DENND1B: variants seen among roughly 807,000 people sequenced by gnomAD.
The protein encoded by DENND1B is DENN domain containing 1B.
In DENND1B, 59 loss-of-function variants were observed where a neutral mutation model predicts 90.1. The ratio of observed to expected loss-of-function variants is 0.65; its 90% CI spans 0.53 to 0.81. DENND1B has a LOEUF of 0.81. DENND1B is among the 40% of genes least tolerant of loss of function. DENND1B has a pLI of 0.00. For missense variants in DENND1B, 862 were observed against 912.6 expected (o/e 0.94, Z 0.71); for synonymous variants, 337 against 324.6 (o/e 1.04, Z -0.41).
intron 15 of DENND1B, among the ~76,000 whole-genome samples, chr1:197,575,320 CAT>C (rs1211355634): frequency 6.6e-6 from 1 of 151,850 alleles, no homozygotes. Flanking sequence ...TGCCAACAGA[CAT>C]ATGAAAAAAG....
At chr1:197,765,464 C>A (rs1211041220) in intron 2 of DENND1B, among the ~76,000 whole-genome samples, 1 of 152,076 alleles carries the variant, frequency 6.6e-6, no homozygotes, top group African/African-American at 2.4e-5. Context: ...ATACTGTACA[C>A]AGTAAATTAT....
At chr1:197,526,494 G>A (rs1669139530) in intron 20 of DENND1B, among the ~76,000 whole-genome samples, 2 of 152,194 alleles carry the variant, frequency 1.3e-5, no homozygotes, top group African/African-American at 4.8e-5. Context: ...TATTAATGAT[G>A]TGATTACTGA....
rs560115720 is a variant in DENND1B, at chr1:197,603,518, G to A, written c.921+3555C>T. On this transcript the variant is annotated intron_variant, in intron 13 of 22. Coordinates refer to ENST00000620048, the MANE Select transcript of DENND1B (RefSeq NM_001195215.2). The stretch of plus-strand genomic sequence containing the variant: ...TAATAAGTTTAAATTATTAGAGACC[G>A]TTAAGCAATACAGGTAAAAAAAAAC... 1.1e-4 allele frequency among the ~76,000 whole-genome samples: 17 copies of A among 150,912 alleles called. No individual in the cohort carries two copies. The South Asian group carries it at 1.7e-3, about 15-fold the overall frequency.
chr1:197,659,550 T>C (rs947185286), intron 5 of DENND1B, among the ~76,000 whole-genome samples: 1 of 151,888 alleles, frequency 6.6e-6, no homozygotes. Context: ...TATCTCTGTG[T>C]CCTCTGGAAA....
At chr1:197,611,784 G>T in intron 12 of DENND1B, 147 bp downstream of exon 12, 1 of 606,756 alleles carries the variant, frequency 1.6e-6, no homozygotes, top group Non-Finnish European at 2.8e-6. Context: ...TTTCAATGTT[G>T]TCTTTTTAAA....
chr1:197,540,160 C>G, intron 19 of DENND1B, 89 bp from the exon 20 acceptor site: 3 of 773,202 alleles, frequency 3.9e-6, no homozygotes, highest in African/African-American at 3.6e-5. Context: ...ATCTGATATA[C>G]ATACAAGTAG....
At chr1:197,741,976 G>C (rs997246781) in intron 2 of DENND1B, among the ~76,000 whole-genome samples, 2 of 152,074 alleles carry the variant, frequency 1.3e-5, no homozygotes, top group Non-Finnish European at 1.5e-5. Flanking sequence ...CTAACATAGA[G>C]AGTTGCTGAG....
At chr1:197,529,242 A>ATATGTGTG (rs1553277550) in intron 20 of DENND1B, among the ~76,000 whole-genome samples, 18 of 10,852 alleles carry the variant, frequency 1.7e-3, no homozygotes, top group African/African-American at 2.7e-3. Flanking sequence ...ATATATATAT[A>ATATGTGTG]TGTGTGTGTG....
intron 7 of DENND1B, among the ~76,000 whole-genome samples, chr1:197,647,930 A>G (rs1442605485): frequency 1.3e-5 from 2 of 151,226 alleles, no homozygotes; most frequent in African/African-American, 4.9e-5. Context: ...CTGGGCAACA[A>G]GAGCGAAACT....
intron 2 of DENND1B, chr1:197,735,474 G>C: frequency 6.5e-7 from 1 of 1,542,720 alleles, no homozygotes; most frequent in Middle Eastern, 1.7e-4. Context: ...TCCTTTGTTA[G>C]AAGAAGTGAT....
chr1:197,740,719 G>C (rs950465612), intron 2 of DENND1B, among the ~76,000 whole-genome samples: 2 of 152,108 alleles, frequency 1.3e-5, no homozygotes, highest in African/African-American at 4.8e-5. Context: ...AAGGAAAAAT[G>C]ATTTATGCAA....
intron 2 of DENND1B, among the ~76,000 whole-genome samples, chr1:197,770,856 C>CTATAAATATATATAAATATATATA (rs1168562954): frequency 1.7e-5 from 2 of 120,740 alleles, no homozygotes; most frequent in Non-Finnish European, 3.5e-5. Context: ...AAATATATAT[C>CTATAAATATATATAAATATATATA]TATAAATATA....
chr1:197,698,154 A>G (rs1213554536), intron 3 of DENND1B, among the ~76,000 whole-genome samples: 1 of 152,156 alleles, frequency 6.6e-6, no homozygotes, highest in Non-Finnish European at 1.5e-5. Flanking sequence ...TCTAAAATTG[A>G]CCACATAATT....
At position 197,775,187 on chromosome 1, in the gene DENND1B, G is replaced by GC; in HGVS notation, c.-33dup. 1 of 1,264,788 alleles carries GC rather than the reference G, an allele frequency of 7.9e-7. No individual in the cohort carries two copies. The highest frequency in any genetic ancestry group is 4.0e-5 in the Admixed American group (1 of 25,190). 78.3% of individuals were successfully genotyped at this position (1,264,788 alleles called of 1,614,324 possible). On this transcript the variant is annotated 5_prime_UTR_variant, in exon 1 of 23. Transcript: ENST00000620048. ...ATGTCGGTGTGGGGCTGTCCGTCCG[G>GC]CCCCCGCGCGCTGGCCTGGAAGCCC... is the stretch of plus-strand genomic sequence containing the variant.
chr1:197,747,220 T>C, intron 2 of DENND1B: 1 of 688,168 alleles, frequency 1.5e-6, no homozygotes, highest in Non-Finnish European at 2.7e-6. Flanking sequence ...TTGAAATATA[T>C]TCTACATATC....
chr1:197,566,338 T>C (rs962159445), intron 15 of DENND1B, among the ~76,000 whole-genome samples: 1 of 152,030 alleles, frequency 6.6e-6, no homozygotes, highest in African/African-American at 2.4e-5. Flanking sequence ...GATGGGGTTG[T>C]TTGTTTTTTT....
intron 10 of DENND1B, among the ~76,000 whole-genome samples, chr1:197,638,626 A>G (rs1679997558): frequency 6.6e-6 from 1 of 152,206 alleles, no homozygotes; most frequent in Non-Finnish European, 1.5e-5. Flanking sequence ...CAACCTACCT[A>G]TGGTCACAAA....
chr1:197,651,331 TGA>T (rs1653142382), intron 7 of DENND1B, among the ~76,000 whole-genome samples: 1 of 152,090 alleles, frequency 6.6e-6, no homozygotes, highest in Admixed American at 6.5e-5. Context: ...TCCCAAAACA[TGA>T]GTGTTTTTAG....
At chr1:197,626,076 G>C (rs545180407) in intron 10 of DENND1B, among the ~76,000 whole-genome samples, 1 of 152,176 alleles carries the variant, frequency 6.6e-6, no homozygotes, top group East Asian at 1.9e-4. Flanking sequence ...AATAATGGGA[G>C]ACTTTAACAC....
Sources: gnomAD v4.1 joint callset for allele counts (sites outside exome capture counted in the v4.1 genomes callset) on GRCh38, gnomAD v4.1.1 for gene constraint, MANE v1.5 for transcripts, NCBI Gene and HGNC (gene_info 2026-07-23, HGNC 2026-07-21) for gene names.